AKNA: variants seen among roughly 807,000 people sequenced by gnomAD.
The protein encoded by AKNA is AT-hook transcription factor, also known as microtubule organization protein AKNA.
Under a neutral mutation model 138.8 loss-of-function variants are expected in AKNA, and 67 were observed. The observed-to-expected ratio is 0.48, with a 90% CI of 0.40 to 0.59. The LOEUF (loss-of-function observed/expected upper bound fraction) is 0.59. AKNA is among the 20% of genes least tolerant of loss of function. AKNA has a pLI of 0.00. For synonymous variants in AKNA, 737 were observed against 754.4 expected (o/e 0.98, Z 0.38); for missense variants, 1,813 against 1,880.4 (o/e 0.96, Z 0.66).
chr9:114,337,012 T>TGGGGGGGGGGGGGGGG lies in AKNA; in HGVS notation c.*41_*42insCCCCCCCCCCCCCCCC. 235 of 1,208,118 alleles carry TGGGGGGGGGGGGGGGG rather than the reference T, an allele frequency of 1.9e-4. No homozygotes were observed. Among genetic ancestry groups the TGGGGGGGGGGGGGGGG allele is most frequent in the Middle Eastern group, 6.2e-4 (2 of 3,228 alleles). 74.8% of individuals were successfully genotyped at this position (1,208,118 alleles called of 1,614,324 possible). Reference sequence around the variant, plus strand: ...CCCACTCCTGGCCTGGCAGGCCACCTGCCCACCCACCCACCCATCTGCCTC... The same window carrying TGGGGGGGGGGGGGGGG: ...CCCACTCCTGGCCTGGCAGGCCACCTGGGGGGGGGGGGGGGGGCCCACCCACCCACCCATCTGCCTC... On this transcript the variant is annotated 3_prime_UTR_variant, in exon 22 of 22. Coordinates refer to ENST00000374088, the MANE Select transcript of AKNA (RefSeq NM_001317950.2).
intron 14 of AKNA, among the ~76,000 whole-genome samples, chr9:114,351,479 G>T (rs1324300264): frequency 6.6e-6 from 1 of 152,112 alleles, no homozygotes; most frequent in Non-Finnish European, 1.5e-5. Flanking sequence ...AGGGATGGGT[G>T]ACCAAAGGTT....
chr9:114,364,681 C>T lies in AKNA; in HGVS notation c.1729-62G>A, dbSNP rs114650802. Reference sequence around the variant, plus strand: ...ATCCAGTCCTGTAGACTCCCACACCCAGCCACATCTATGCCTTGGTAAGAG... The same window carrying T: ...ATCCAGTCCTGTAGACTCCCACACCTAGCCACATCTATGCCTTGGTAAGAG... On this transcript the variant is annotated intron_variant, in intron 6 of 21. Coordinates refer to ENST00000374088, the MANE Select transcript of AKNA (RefSeq NM_001317950.2). The T allele has an allele frequency of 3.5e-4, 534 of 1,540,774 alleles. 4 individuals are homozygous for T. In the African/African-American group the frequency reaches 6.7e-3, roughly 19 times the overall value.
chr9:114,346,336 C>T (rs190883030), intron 17 of AKNA, among the ~76,000 whole-genome samples: 5 of 152,318 alleles, frequency 3.3e-5, no homozygotes, highest in Admixed American at 6.5e-5. Context: ...TCGCTGATCC[C>T]GGCTACTGAC....
Position 114,360,058 on chromosome 9 carries a change from G to T in AKNA, c.2129C>A (p.Ala710Asp), listed in dbSNP as rs1368950051. 3 of 1,614,130 alleles carry T rather than the reference G, an allele frequency of 1.9e-6. No individual in the cohort carries two copies. Among genetic ancestry groups the T allele is most frequent in the Non-Finnish European group, 2.5e-6 (3 of 1,180,030 alleles). The change falls in exon 10 of 22, where the codon GCT becomes GAT. Residue 710 changes from alanine (A) to aspartate (D), a missense_variant. Physicochemically the swap from Ala to Asp is moderately radical, Grantham distance 126. Transcript: ENST00000374088. ...AGTGCTGGCGGCGGCAGTGGTGGTA[G>T]CAGGCTGGGGTCAGAAAGATGGACA... ...PAIKTSCPEP[A>D]TTTAAASTGP...
Position 114,377,353 on chromosome 9 carries a change from A to G in AKNA, c.454T>C (p.Leu152=). 1 of 1,613,934 alleles carries G rather than the reference A, an allele frequency of 6.2e-7. No individual in the cohort carries two copies. The highest frequency in any genetic ancestry group is 2.2e-5 in the East Asian group (1 of 44,862). ...GGGCTGGTGTTTCCATGGCCTTCCA[A>G]GCTGAGACCAGCCTCATACCCCAAC... is the stretch of plus-strand genomic sequence containing the variant. ...SRLGYEAGLS[L]EGHGNTSPMA... Residue 152 remains leucine, a synonymous_variant, in exon 3 of 22, where the codon TTG becomes CTG. Coordinates refer to ENST00000374088, the MANE Select transcript of AKNA (RefSeq NM_001317950.2).
intron 14 of AKNA, among the ~76,000 whole-genome samples, chr9:114,352,641 A>G (rs1588963760): frequency 7.0e-6 from 1 of 143,862 alleles, no homozygotes; most frequent in Admixed American, 7.0e-5. Context: ...ATAATGAACC[A>G]GCTGGGCGTG....
At chr9:114,396,914 G>A (rs1009039534), upstream of AKNA, 3 of 152,200 alleles carry the variant, frequency 2.0e-5, no homozygotes, top group Middle Eastern at 3.2e-3. Flanking sequence ...ACGCCCCCAC[G>A]GGGGGAAACT....
intron 1 of AKNA, among the ~76,000 whole-genome samples, chr9:114,385,633 T>A (rs889185778): frequency 6.6e-6 from 1 of 152,174 alleles, no homozygotes; most frequent in Non-Finnish European, 1.5e-5. Flanking sequence ...GAAATCTCAC[T>A]GTAACCAGGG....
chr9:114,361,644 G>A, intron 9 of AKNA, 60 bp downstream of exon 9: 1 of 1,570,242 alleles, frequency 6.4e-7, no homozygotes, highest in Non-Finnish European at 8.8e-7. Flanking sequence ...TTGAAGAAAT[G>A]AATTAACGAA....
In AKNA at chr9:114,356,021, G is replaced by T. The variant is rs763765580; in HGVS notation, c.2962C>A (p.Arg988=). The part of the protein sequence containing the change: ...PRRATEPSTP[R]SQAQRYLSSP... ...GAGAGGTACCTCTGTGCTTGGCTCC[G>T]GGGTGTGCTGGGCTCTGTGGCTCTT... Residue 988 remains arginine (R), a synonymous_variant, in exon 14 of 22, where the codon CGG becomes AGG. Coordinates refer to ENST00000374088, the MANE Select transcript of AKNA (RefSeq NM_001317950.2). 1.9e-6 allele frequency: 3 copies of T among 1,614,156 alleles called. No homozygotes were observed. The highest frequency in any genetic ancestry group is 2.5e-6 in the Non-Finnish European group (3 of 1,180,038).
At position 114,357,982 on chromosome 9, in the gene AKNA, C is replaced by T; in HGVS notation, c.2678G>A (p.Ser893Asn). 1.2e-6 allele frequency: 2 copies of T among 1,603,394 alleles called. No individual in the cohort carries two copies. Among genetic ancestry groups the T allele is most frequent in the Non-Finnish European group, 1.7e-6 (2 of 1,175,242 alleles). The change falls in exon 12 of 22, where the codon AGC becomes AAC. Residue 893 changes from serine (S) to asparagine (N), a missense_variant. Ser to Asn is a conservative substitution (Grantham distance 46). Coordinates refer to ENST00000374088, the MANE Select transcript of AKNA (RefSeq NM_001317950.2). ...CTGTGGAAGGCGCTCAGAGATGCCG[C>T]TTCCCTCCAGGCTGGTCATACTACT... ...HQSSMTSLEGSGISERLPQKP... is the reference protein window; with the variant it reads ...HQSSMTSLEGNGISERLPQKP...
At chr9:114,362,371 A>T in intron 8 of AKNA, 35 bp downstream of exon 8, 1 of 1,594,618 alleles carries the variant, frequency 6.3e-7, no homozygotes, top group Non-Finnish European at 8.5e-7. Context: ...GGCCCATCCC[A>T]TCTGTCCTTC....
At position 114,361,847 on chromosome 9, in the gene AKNA, G is replaced by C; in HGVS notation, c.1981C>G (p.Gln661Glu). 1 of 1,611,774 alleles carries C rather than the reference G, an allele frequency of 6.2e-7. No homozygotes were observed. Among genetic ancestry groups the C allele is most frequent in the Non-Finnish European group, 8.5e-7 (1 of 1,179,992 alleles). The change falls in exon 9 of 22, where the codon CAG (glutamine) becomes GAG (glutamate). Residue 661 changes from glutamine (Q) to glutamate (E), a missense_variant. Transcript: ENST00000374088. Reference protein sequence around the residue: ...CLEELKEHIDQTQQEPEPPGS... With the variant: ...CLEELKEHIDETQQEPEPPGS... The stretch of plus-strand genomic sequence containing the variant: ...GGCGGCTCAGGCTCTTGCTGGGTCT[G>C]GTCTATGTGTTCCTTCAGCTCTTCC...
At chr9:114,350,339 C>A (rs1831019539) in intron 15 of AKNA, among the ~76,000 whole-genome samples, 1 of 152,152 alleles carries the variant, frequency 6.6e-6, no homozygotes, top group East Asian at 1.9e-4. Context: ...GACAGACACC[C>A]ACTCCAGCAA....
chr9:114,370,997 C>A (rs939464075), intron 4 of AKNA, among the ~76,000 whole-genome samples: 3 of 152,174 alleles, frequency 2.0e-5, no homozygotes, highest in South Asian at 2.1e-4. Context: ...CCCTCTTCAG[C>A]TGAGATGGAG....
At chr9:114,332,693 C>T (rs572551533), downstream of AKNA, among the ~76,000 whole-genome samples, 562 of 152,226 alleles carry the variant, frequency 3.7e-3, 10 homozygotes, top group African/African-American at 0.013. Flanking sequence ...AGCCTGGCAC[C>T]TCCACTGTCT....
chr9:114,339,805 C>T (rs1830219709), intron 21 of AKNA, among the ~76,000 whole-genome samples: 2 of 152,176 alleles, frequency 1.3e-5, no homozygotes, highest in South Asian at 4.1e-4. Flanking sequence ...AGCAAGAAAG[C>T]AAATTTACAT....
downstream of AKNA, chr9:114,331,825 G>A (rs375310283): frequency 6.2e-7 from 1 of 1,613,502 alleles, no homozygotes; most frequent in East Asian, 2.2e-5. Flanking sequence ...TCCCCCTGCA[G>A]CTGACAAGCC....
chr9:114,336,978 C>A lies in AKNA; in HGVS notation c.*76G>T. The A allele has an allele frequency of 7.0e-7, 1 of 1,431,830 alleles. No homozygotes were observed. The highest frequency in any genetic ancestry group is 2.6e-4 in the Middle Eastern group (1 of 3,854). The allele number at this position is 1,431,830 out of a possible 1,614,324, so 88.7% of individuals were successfully genotyped here. A position where few individuals can be genotyped will look rare whatever the true frequency, so the allele number is the denominator to read the frequency against. ...ACTATGCGGGCCTTCTGGGCCTCAG[C>A]AGCTCCAGCCCACTCCTGGCCTGGC... On this transcript the variant is annotated 3_prime_UTR_variant, in exon 22 of 22. Coordinates refer to ENST00000374088, the MANE Select transcript of AKNA (RefSeq NM_001317950.2).
Sources: allele counts gnomAD v4.1 joint callset (sites outside exome capture counted in the v4.1 genomes callset), GRCh38; gene constraint gnomAD v4.1.1; transcripts MANE v1.5; gene names NCBI Gene and HGNC (gene_info 2026-07-23, HGNC 2026-07-21).